RAB27A: variants seen among roughly 807,000 people sequenced by gnomAD.
The protein encoded by RAB27A is RAB27A, member RAS oncogene family, also known as ras-related protein Rab-27A.
A neutral mutation model predicts 20.8 loss-of-function variants in RAB27A; 17 were observed. The observed-to-expected ratio is 0.82, with a 90% CI of 0.56 to 1.23. The LOEUF is 1.23. RAB27A is among the 50% of genes most tolerant of loss of function. RAB27A has a pLI of 0.00. For missense variants in RAB27A, 277 were observed against 266.7 expected, an observed-to-expected ratio of 1.04 and a Z score of -0.27; for synonymous variants, 85 against 92.8, an observed-to-expected ratio of 0.92 and a Z score of 0.48.
At chr15:55,239,481 G>A (rs975672011) in intron 2 of RAB27A, among the ~76,000 whole-genome samples, 3 of 152,078 alleles carry the variant, frequency 2.0e-5, no homozygotes, top group East Asian at 1.9e-4. Context: ...ATTATATACT[G>A]TATAATCACA....
chr15:55,247,416 T>G (rs1422400806), intron 2 of RAB27A, among the ~76,000 whole-genome samples: 4 of 150,692 alleles, frequency 2.7e-5, no homozygotes, highest in Non-Finnish European at 5.9e-5. Context: ...TCAAAGGACT[T>G]CACATTGCAA....
chr15:55,209,670 A>C (rs555423317), intron 6 of RAB27A, among the ~76,000 whole-genome samples: 24 of 151,008 alleles, frequency 1.6e-4, no homozygotes, highest in East Asian at 5.9e-4. Flanking sequence ...ATATATATAT[A>C]TCTCTCTCCT....
At chr15:55,306,095 G>T (rs1035078125) in intron 2 of RAB27A, among the ~76,000 whole-genome samples, 1 of 152,182 alleles carries the variant, frequency 6.6e-6, no homozygotes, top group African/African-American at 2.4e-5. Flanking sequence ...ATTCCTGAGG[G>T]TAGGCAGACT....
rs565623531 is a variant in RAB27A, at chr15:55,289,582, G to C, written c.-143+134C>G. The C allele has an allele frequency of 2.9e-5, 4 of 136,254 alleles. No individual in the cohort carries two copies. The East Asian group carries it at 6.8e-4, about 23-fold the overall frequency. The allele number at this position is 136,254 out of a possible 1,614,324, so 8.4% of individuals were successfully genotyped here. A position where few individuals can be genotyped will look rare whatever the true frequency, so the allele number is the denominator to read the frequency against. ...GAGAAGCCACTCTTCAGGCGGGCTC[G>C]GGCGCCTGGAGGCGGGGAGGAAGGG... On this transcript the variant is annotated intron_variant, in intron 1 of 6. Coordinates refer to ENST00000336787, the MANE Select transcript of RAB27A (RefSeq NM_183235.3).
chr15:55,289,867 TCTC>T (rs1188054120), upstream of RAB27A: 1 of 151,942 alleles, frequency 6.6e-6, no homozygotes, highest in African/African-American at 2.4e-5. Context: ...CGGGACCTTC[TCTC>T]CTCCACCTCC....
intron 2 of RAB27A, among the ~76,000 whole-genome samples, chr15:55,241,624 A>ATATATATATATATATGTGTGTG (rs377301086): frequency 3.1e-4 from 37 of 117,658 alleles, no homozygotes; most frequent in African/African-American, 1.5e-3. Context: ...ATATATATAT[A>ATATATATATATATATGTGTGTG]TGTGTGTATA....
At chr15:55,240,599 T>A (rs1896441134) in intron 2 of RAB27A, among the ~76,000 whole-genome samples, 1 of 151,978 alleles carries the variant, frequency 6.6e-6, no homozygotes. Flanking sequence ...TCCAATCTAT[T>A]GTTGAGAGAC....
At position 55,205,558 on chromosome 15, in the gene RAB27A, G is replaced by A. The variant is rs1346807742; in HGVS notation, c.615C>T (p.Ala205=). Residue 205 remains alanine, a synonymous_variant, in exon 7 of 7, where the codon GCC becomes GCT. Coordinates refer to ENST00000336787, the MANE Select transcript of RAB27A (RefSeq NM_183235.3). ...PEGVVRSNGH[A]STDQLSEEKE... ...TTTCTTCACTTAACTGATCCGTAGA[G>A]GCATGACCATTTGATCGCACCACTC... 3.1e-6 allele frequency: 5 copies of A among 1,614,036 alleles called. No individual in the cohort carries two copies. The highest frequency in any genetic ancestry group is 2.7e-5 in the African/African-American group (2 of 74,916).
At chr15:55,292,726 C>T (rs938565576), upstream of RAB27A, among the ~76,000 whole-genome samples, 2 of 152,178 alleles carry the variant, frequency 1.3e-5, no homozygotes, top group African/African-American at 4.8e-5. Context: ...AACAGAATAT[C>T]CAAGTGAAGC....
chr15:55,210,170 T>G (rs1330722415), intron 6 of RAB27A, among the ~76,000 whole-genome samples: 6 of 144,198 alleles, frequency 4.2e-5, no homozygotes, highest in Non-Finnish European at 3.0e-5. Flanking sequence ...CACATACATA[T>G]ATACGTACAC....
intron 1 of RAB27A, among the ~76,000 whole-genome samples, chr15:55,282,720 T>C (rs1261562660): frequency 3.3e-5 from 5 of 152,100 alleles, no homozygotes; most frequent in African/African-American, 1.2e-4. Flanking sequence ...CTTTCGCTCA[T>C]GTGGAAGCAC....
intron 6 of RAB27A, among the ~76,000 whole-genome samples, chr15:55,222,295 T>A (rs186906761): frequency 5.3e-5 from 8 of 152,318 alleles, no homozygotes; most frequent in African/African-American, 1.4e-4. Flanking sequence ...CTATAGTGGA[T>A]GGGAATCCTT....
intron 1 of RAB27A, among the ~76,000 whole-genome samples, chr15:55,277,869 G>A (rs1897916070): frequency 6.6e-6 from 1 of 152,174 alleles, no homozygotes; most frequent in South Asian, 2.1e-4. Flanking sequence ...AGCACTGAAA[G>A]TCATGCATCC....
rs754262049 is a variant in RAB27A at position 55,301,645 on chromosome 15, C to CTTT, written c.-112+12391_-112+12393dup. ...AGAACATTTTCATCACCCTAAAAAT[C>CTTT]TTTTTTTTTTTTTTTTTTTGAGGCG... On this transcript the variant is annotated intron_variant, in intron 2 of 5. Coordinates refer to the RAB27A transcript ENST00000563262. Among the ~76,000 whole-genome samples the CTTT allele has an allele frequency of 3.8e-3, 451 of 117,564 alleles. 11 individuals are homozygous for CTTT. The highest frequency in any genetic ancestry group is 0.011 in the African/African-American group (341 of 30,618). The allele number at this position is 117,564 out of a possible 152,430, so 77.1% of individuals were successfully genotyped here.
At chr15:55,263,495 C>T (rs1326625765) in intron 2 of RAB27A, among the ~76,000 whole-genome samples, 4 of 152,124 alleles carry the variant, frequency 2.6e-5, no homozygotes, top group East Asian at 1.9e-4. Flanking sequence ...AGCTATCATC[C>T]GAATTTTCTT....
At chr15:55,208,261 A>G (rs1894749122) in intron 6 of RAB27A, among the ~76,000 whole-genome samples, 1 of 152,242 alleles carries the variant, frequency 6.6e-6, no homozygotes, top group African/African-American at 2.4e-5. Flanking sequence ...GAAGACAACA[A>G]TTACACATCA....
chr15:55,217,609 G>A (rs574435949), intron 6 of RAB27A, among the ~76,000 whole-genome samples: 121 of 128,178 alleles, frequency 9.4e-4, no homozygotes, highest in African/African-American at 3.5e-3. Flanking sequence ...AGGTTACAGT[G>A]AGCCAAGATC....
At chr15:55,313,154 G>A (rs1423747486) in intron 2 of RAB27A, among the ~76,000 whole-genome samples, 2 of 152,148 alleles carry the variant, frequency 1.3e-5, no homozygotes, top group Admixed American at 6.5e-5. Flanking sequence ...AGTGGCTGAC[G>A]CCTAGAATCC....
chr15:55,262,857 G>GT (rs1454908236), intron 2 of RAB27A, among the ~76,000 whole-genome samples: 2 of 151,992 alleles, frequency 1.3e-5, no homozygotes, highest in South Asian at 2.1e-4. Context: ...GCCCAGCCCA[G>GT]TCTCGTCATG....
Sources: gnomAD v4.1 joint callset for allele counts (sites outside exome capture counted in the v4.1 genomes callset) on GRCh38, gnomAD v4.1.1 for gene constraint, MANE v1.5 for transcripts, NCBI Gene and HGNC (gene_info 2026-07-23, HGNC 2026-07-21) for gene names.